RYR2: variants seen among roughly 807,000 people sequenced by gnomAD.
RYR2 encodes cardiac muscle ryanodine receptor-calcium release channel.
A neutral mutation model predicts 601.1 loss-of-function variants in RYR2; 227 were observed. That is an observed-to-expected ratio of 0.38 (90% CI 0.34 to 0.42). The LOEUF (loss-of-function observed/expected upper bound fraction) is 0.42. Ranked by LOEUF, RYR2 falls within the 10% of genes least tolerant of loss-of-function variation. The probability of loss-of-function intolerance (pLI) is 1.00; values close to 1 mark genes in which losing one functional copy is unlikely to be tolerated. For synonymous variants in RYR2, 2,223 were observed against 2,175.1 expected (o/e 1.02, Z -0.61); for missense variants, 4,646 against 6,156.5 (o/e 0.75, Z 8.21).
chr1:237,560,361 T>C (rs532292732), intron 27 of RYR2, among the ~76,000 whole-genome samples: 1 of 152,238 alleles, frequency 6.6e-6, no homozygotes, highest in East Asian at 1.9e-4. Flanking sequence ...CTATTTGCAC[T>C]GGGCAAGCTC....
chr1:237,663,726 T>C (rs1445380442), intron 56 of RYR2, among the ~76,000 whole-genome samples: 1 of 152,264 alleles, frequency 6.6e-6, no homozygotes, highest in Non-Finnish European at 1.5e-5. Flanking sequence ...AGGTGAGCCA[T>C]AATTTTTGTC....
At chr1:237,705,697 G>GTGAC (rs776895115) in intron 67 of RYR2, among the ~76,000 whole-genome samples, 1 of 152,152 alleles carries the variant, frequency 6.6e-6, no homozygotes, top group Non-Finnish European at 1.5e-5. Flanking sequence ...TCTCTTCTGG[G>GTGAC]TGACTGACTG....
At chr1:237,150,463 G>C (rs1172931673) in intron 1 of RYR2, among the ~76,000 whole-genome samples, 1 of 152,150 alleles carries the variant, frequency 6.6e-6, no homozygotes, top group East Asian at 1.9e-4. Context: ...TTGTATCCCC[G>C]GTGCTTAACC....
chr1:237,397,724 CTT>C lies in RYR2; in HGVS notation c.773+9555_773+9556del, dbSNP rs71561869. Among the ~76,000 whole-genome samples the C allele has an allele frequency of 4.6e-3, 653 of 140,946 alleles. 17 individuals are homozygous for C. The highest frequency in any genetic ancestry group is 0.032 in the Admixed American group (449 of 14,172). The allele number at this position is 140,946 out of a possible 152,430, so 92.5% of individuals were successfully genotyped here. The stretch of plus-strand genomic sequence containing the variant: ...TTACACCCTGTTTATAATTTGGTAT[CTT>C]TTTTTTTTTTTTTGAGACAGAGTCT... On this transcript the variant is annotated intron_variant, in intron 10 of 104. Coordinates refer to ENST00000366574, the MANE Select transcript of RYR2 (RefSeq NM_001035.3).
In RYR2 at chr1:237,590,723, T is replaced by G; in HGVS notation, c.3891T>G (p.Thr1297=). ...CTTTTGGTTCTCAGAACAGCAACACTGATATCATGTTTTATCGCCTGAGCA... is the reference window on the plus strand; with the variant it reads ...CTTTTGGTTCTCAGAACAGCAACACGGATATCATGTTTTATCGCCTGAGCA... ...QKSFGSQNSN[T]DIMFYRLSMP... Residue 1297 remains threonine (T), a synonymous_variant, in exon 31 of 105, where the codon ACT becomes ACG. Transcript: ENST00000366574. 1 of 1,611,438 alleles carries G rather than the reference T, an allele frequency of 6.2e-7. No homozygotes were observed. The highest frequency in any genetic ancestry group is 1.7e-5 in the Admixed American group (1 of 59,944).
At chr1:237,457,248 C>T (rs1199826807) in intron 16 of RYR2, among the ~76,000 whole-genome samples, 1 of 152,090 alleles carries the variant, frequency 6.6e-6, no homozygotes, top group Non-Finnish European at 1.5e-5. Context: ...TGATCTGCTC[C>T]AGTCTTCTCT....
At chr1:237,792,071 G>A in intron 93 of RYR2, 34 bp from the exon 94 acceptor site, 14 of 1,486,562 alleles carry the variant, frequency 9.4e-6, no homozygotes, top group Non-Finnish European at 1.3e-5. Flanking sequence ...CTTAGATGCA[G>A]CAAACTGACT....
intron 1 of RYR2, among the ~76,000 whole-genome samples, chr1:237,095,934 C>T (rs569338310): frequency 6.6e-6 from 1 of 152,320 alleles, no homozygotes; most frequent in Admixed American, 6.5e-5. Context: ...AGCCTGGGCC[C>T]TGAGAAAACC....
At chr1:237,097,442 T>C (rs1002335493) in intron 1 of RYR2, among the ~76,000 whole-genome samples, 1 of 152,212 alleles carries the variant, frequency 6.6e-6, no homozygotes, top group Non-Finnish European at 1.5e-5. Flanking sequence ...TGGGTGACGG[T>C]TGAGATCTCC....
chr1:237,633,529 T>G, intron 42 of RYR2, 49 bp from the exon 43 acceptor site: 10 of 1,610,860 alleles, frequency 6.2e-6, no homozygotes, highest in Non-Finnish European at 8.5e-6. Context: ...GAACTCAATT[T>G]TATAAAGGTC....
At chr1:237,591,018 T>G (rs1032709325) in intron 31 of RYR2, 26 bp downstream of exon 31, 1 of 1,583,792 alleles carries the variant, frequency 6.3e-7, no homozygotes, top group Non-Finnish European at 8.6e-7. Flanking sequence ...GCTGTGATTT[T>G]AAATTTGTAG....
rs1371004588 is a variant in RYR2 at position 237,180,028 on chromosome 1, TA to T, written c.49-90466del. Among the ~76,000 whole-genome samples the T allele has an allele frequency of 6.6e-6, 1 of 152,056 alleles. No individual in the cohort carries two copies. The highest frequency in any genetic ancestry group is 1.5e-5 in the Non-Finnish European group (1 of 68,028). ...TTTCGGGTCTTGACACAGCAAGTGA[TA>T]AAGCTTTGACCCCTGGGTATATTGT... On this transcript the variant is annotated intron_variant, in intron 1 of 104. Transcript: ENST00000366574. The surrounding 1 kb of genome is among the most constrained non-coding windows in gnomAD (Gnocchi z 5.3).
intron 59 of RYR2, 31 bp downstream of exon 59, chr1:237,674,250 CTT>C: frequency 6.5e-7 from 1 of 1,549,092 alleles, no homozygotes; most frequent in South Asian, 1.1e-5. Context: ...AGTACACACT[CTT>C]TTCACAAGAG....
At chr1:237,213,459 T>A (rs1188884103) in intron 1 of RYR2, among the ~76,000 whole-genome samples, 1 of 152,234 alleles carries the variant, frequency 6.6e-6, no homozygotes, top group Non-Finnish European at 1.5e-5. Flanking sequence ...ATTACAGGTG[T>A]GAGCCATTGC....
intron 8 of RYR2, among the ~76,000 whole-genome samples, chr1:237,380,938 C>T (rs1445312403): frequency 3.9e-5 from 6 of 151,986 alleles, no homozygotes; most frequent in Admixed American, 1.3e-4. Context: ...ATTAGCCAGG[C>T]GTGGTGGCAG....
At chr1:237,126,000 G>A (rs998483423) in intron 1 of RYR2, among the ~76,000 whole-genome samples, 1 of 152,216 alleles carries the variant, frequency 6.6e-6, no homozygotes, top group African/African-American at 2.4e-5. Context: ...ACTTTGGGAG[G>A]CCGAGGCGGG....
chr1:237,052,222 G>C (rs1200043790), intron 1 of RYR2, among the ~76,000 whole-genome samples: 1 of 152,152 alleles, frequency 6.6e-6, no homozygotes, highest in Non-Finnish European at 1.5e-5. Flanking sequence ...CTCAAACAGT[G>C]AAACCTTATA....
At chr1:237,424,427 A>T (rs775004975) in intron 12 of RYR2, among the ~76,000 whole-genome samples, 51 of 152,320 alleles carry the variant, frequency 3.3e-4, no homozygotes, top group Middle Eastern at 3.4e-3. Context: ...CTGCTAGGAA[A>T]TTCTTAGTAT....
At chr1:237,447,689 C>T (rs1657536473) in intron 14 of RYR2, among the ~76,000 whole-genome samples, 1 of 152,042 alleles carries the variant, frequency 6.6e-6, no homozygotes, top group South Asian at 2.1e-4. Flanking sequence ...TTGACATAAA[C>T]ATTTAGTGTT....
Sources: allele counts gnomAD v4.1 joint callset (sites outside exome capture counted in the v4.1 genomes callset), GRCh38; gene constraint gnomAD v4.1.1; non-coding constraint Gnocchi (gnomAD v3.1); transcripts MANE v1.5; gene names NCBI Gene and HGNC (gene_info 2026-07-23, HGNC 2026-07-21).